The following KCNC2 variants were observed in gnomAD, a reference collection of about 807,000 sequenced individuals.
The protein encoded by KCNC2 is potassium voltage-gated channel subfamily C member 2, also known as voltage-gated potassium channel KCNC2.
A neutral mutation model predicts 44.5 loss-of-function variants in KCNC2; 21 were observed. The observed-to-expected ratio is 0.47, with a 90% CI of 0.33 to 0.68. KCNC2 has a LOEUF of 0.68. Ranked by LOEUF, KCNC2 falls within the 30% of genes least tolerant of loss-of-function variation. The pLI is 0.01. For missense variants in KCNC2, 589 were observed against 826.2 expected (o/e 0.71, Z 3.52); for synonymous variants, 391 against 339.1 (o/e 1.15, Z -1.68).
chr12:75,061,236 C>T (rs1001856890), intron 2 of KCNC2, among the ~76,000 whole-genome samples: 1 of 151,972 alleles, frequency 6.6e-6, no homozygotes, highest in African/African-American at 2.4e-5. Flanking sequence ...TTATTTACAC[C>T]ACTTTCCCCA....
intron 2 of KCNC2, among the ~76,000 whole-genome samples, chr12:75,163,030 G>C (rs1054723381): frequency 6.6e-6 from 1 of 151,622 alleles, no homozygotes; most frequent in Non-Finnish European, 1.5e-5. Context: ...GTCTCTCCTC[G>C]TGCAGACAAG....
intron 2 of KCNC2, among the ~76,000 whole-genome samples, chr12:75,145,667 T>C (rs1889970613): frequency 1.3e-5 from 2 of 152,118 alleles, no homozygotes; most frequent in Admixed American, 1.3e-4. Context: ...ATTTAATCAG[T>C]GTCAAGGATA....
chr12:75,043,357 AC>A (rs1880134682), intron 4 of KCNC2, 116 bp from the exon 5 acceptor site: 7 of 1,447,034 alleles, frequency 4.8e-6, no homozygotes, highest in Non-Finnish European at 6.4e-6. Flanking sequence ...GAATTTGTTT[AC>A]AAAGAATTTA....
intron 2 of KCNC2, among the ~76,000 whole-genome samples, chr12:75,082,156 CTAGTG>C (rs2137084225): frequency 4.6e-4 from 1 of 2,182 alleles, no homozygotes; most frequent in East Asian, 0.01. Context: ...TTTAGAAGTG[CTAGTG>C]CTATAGAAAC....
At chr12:75,164,219 C>A (rs1392732928) in intron 2 of KCNC2, among the ~76,000 whole-genome samples, 1 of 151,624 alleles carries the variant, frequency 6.6e-6, no homozygotes, top group South Asian at 2.1e-4. Context: ...TAGGAGTAAT[C>A]TTTTGGACTC....
intron 2 of KCNC2, among the ~76,000 whole-genome samples, chr12:75,157,895 C>G (rs1433548265): frequency 6.6e-6 from 1 of 151,888 alleles, no homozygotes; most frequent in South Asian, 2.1e-4. Context: ...ACCTTTAGTT[C>G]ATCCATTCCT....
At chr12:75,111,900 GA>G (rs1197524526) in intron 2 of KCNC2, among the ~76,000 whole-genome samples, 1 of 151,726 alleles carries the variant, frequency 6.6e-6, no homozygotes, top group Non-Finnish European at 1.5e-5. Context: ...AGTGTTGTGT[GA>G]AAAATTCAAT....
At chr12:75,132,792 T>A (rs1471117455) in intron 2 of KCNC2, among the ~76,000 whole-genome samples, 1 of 152,174 alleles carries the variant, frequency 6.6e-6, no homozygotes, top group African/African-American at 2.4e-5. Context: ...TAAAATTGAT[T>A]GATTAAATCA....
intron 2 of KCNC2, among the ~76,000 whole-genome samples, chr12:75,184,047 T>A (rs1892773313): frequency 6.6e-6 from 1 of 152,182 alleles, no homozygotes. Flanking sequence ...TATTCCCTAC[T>A]GTTTCTTCAA....
chr12:75,070,077 C>T (rs190991779), intron 2 of KCNC2, among the ~76,000 whole-genome samples: 6 of 152,232 alleles, frequency 3.9e-5, no homozygotes, highest in African/African-American at 1.4e-4. Flanking sequence ...GCTATTTGAG[C>T]TAACTTAAGA....
At chr12:75,200,921 C>A (rs568549707) in intron 2 of KCNC2, among the ~76,000 whole-genome samples, 1 of 151,630 alleles carries the variant, frequency 6.6e-6, no homozygotes, top group African/African-American at 2.4e-5. Context: ...AAGACTGTCC[C>A]TTTTATATAA....
chr12:75,137,598 C>T (rs1033417317), intron 2 of KCNC2, among the ~76,000 whole-genome samples: 1 of 152,062 alleles, frequency 6.6e-6, no homozygotes, highest in Admixed American at 6.5e-5. Flanking sequence ...ATATTATGTC[C>T]CAAATTATGC....
At chr12:75,146,028 A>G (rs1020573787) in intron 2 of KCNC2, among the ~76,000 whole-genome samples, 2 of 146,730 alleles carry the variant, frequency 1.4e-5, no homozygotes, top group Admixed American at 7.0e-5. Context: ...ATCTCTGTTC[A>G]CTGCAGGTTC....
In KCNC2 at chr12:75,051,017, C is replaced by T; in HGVS notation, c.988G>A (p.Val330Met). 2.5e-6 allele frequency: 4 copies of T among 1,613,780 alleles called. No homozygotes were observed. The highest frequency in any genetic ancestry group is 3.4e-6 in the Non-Finnish European group (4 of 1,179,866). ...TTGGATGACAGCCCACTGAGTCCCA[C>T]CTCTAAGTAGAAAGGTAGGATGGCC... is the stretch of plus-strand genomic sequence containing the variant. ...FVAILPFYLE[V>M]GLSGLSSKAA... Residue 330 changes from valine (V) to methionine (M), a missense_variant, in exon 3 of 5, where the codon GTG (valine) becomes ATG (methionine). Physicochemically the swap from Val to Met is conservative, Grantham distance 21. Transcript: ENST00000549446.
At chr12:75,180,485 T>C (rs551396076) in intron 2 of KCNC2, among the ~76,000 whole-genome samples, 2 of 152,036 alleles carry the variant, frequency 1.3e-5, no homozygotes, top group East Asian at 3.9e-4. Context: ...TTGTTTTTTC[T>C]TTTAATTTCA....
chr12:75,166,056 G>T (rs549617326), intron 2 of KCNC2, among the ~76,000 whole-genome samples: 2 of 151,056 alleles, frequency 1.3e-5, no homozygotes, highest in Non-Finnish European at 3.0e-5. Flanking sequence ...GTAAAGAATG[G>T]AAAAAATATA....
chr12:75,070,904 T>A (rs1162468396), intron 2 of KCNC2, among the ~76,000 whole-genome samples: 1 of 152,176 alleles, frequency 6.6e-6, no homozygotes, highest in Non-Finnish European at 1.5e-5. Context: ...ACATTAAAAA[T>A]ACATTCTTTT....
intron 2 of KCNC2, among the ~76,000 whole-genome samples, chr12:75,110,661 GGAT>G (rs1375693512): frequency 6.6e-6 from 1 of 151,972 alleles, no homozygotes; most frequent in Non-Finnish European, 1.5e-5. Context: ...TCCATGAAGG[GGAT>G]AGCAATTGAT....
intron 2 of KCNC2, among the ~76,000 whole-genome samples, chr12:75,149,636 A>G (rs781514475): frequency 6.6e-6 from 1 of 151,846 alleles, no homozygotes; most frequent in African/African-American, 2.4e-5. Context: ...CTCAACATTT[A>G]TACGTTAAAT....
Sources: allele counts gnomAD v4.1 joint callset (sites outside exome capture counted in the v4.1 genomes callset), GRCh38; gene constraint gnomAD v4.1.1; transcripts MANE v1.5; gene names NCBI Gene and HGNC (gene_info 2026-07-23, HGNC 2026-07-21).